GALNT10: variants seen among roughly 807,000 people sequenced by gnomAD.
GALNT10 encodes the protein polypeptide N-acetylgalactosaminyltransferase 10, also known as GalNAc transferase 10.
A neutral mutation model predicts 75.0 loss-of-function variants in GALNT10; 41 were observed. That is an observed-to-expected ratio of 0.55 (90% CI 0.43 to 0.71). The LOEUF (loss-of-function observed/expected upper bound fraction) is 0.71, where lower values mean the gene tolerates loss of function less well. GALNT10 is among the 30% of genes least tolerant of loss of function. The probability of loss-of-function intolerance (pLI) is 0.00; values close to 1 mark genes in which losing one functional copy is unlikely to be tolerated. For missense variants in GALNT10, 727 were observed against 818.5 expected, an observed-to-expected ratio of 0.89 and a Z score of 1.36; for synonymous variants, 302 against 313.0, an observed-to-expected ratio of 0.96 and a Z score of 0.37.
intron 1 of GALNT10, among the ~76,000 whole-genome samples, chr5:154,284,026 G>A (rs1309291413): frequency 6.6e-6 from 1 of 152,220 alleles, no homozygotes; most frequent in Non-Finnish European, 1.5e-5. Flanking sequence ...GTGCAACTGA[G>A]AGGAAGGAAT....
chr5:154,393,428 T>G (rs1309035184), intron 7 of GALNT10, among the ~76,000 whole-genome samples: 1 of 152,040 alleles, frequency 6.6e-6, no homozygotes. Flanking sequence ...CTAGTGGCCT[T>G]TGGGGGTGGG....
In GALNT10 at chr5:154,402,953, G is replaced by T. The variant is rs1756199246; in HGVS notation, c.1057-1151G>T. 1 of 152,430 alleles carries T rather than the reference G, an allele frequency of 6.6e-6. No homozygotes were observed. Among genetic ancestry groups the T allele is most frequent in the South Asian group, 2.1e-4 (1 of 4,828 alleles). 9.4% of individuals were successfully genotyped at this position (152,430 alleles called of 1,614,324 possible). A position where few individuals can be genotyped will look rare whatever the true frequency, so the allele number is the denominator to read the frequency against. ...CTCACTGGGAGGCATCTACACAGGG[G>T]CACAAATACGAGGAGGCAGGGATTG... is the stretch of plus-strand genomic sequence containing the variant. On this transcript the variant is annotated intron_variant, in intron 7 of 11. Coordinates refer to ENST00000297107, the MANE Select transcript of GALNT10 (RefSeq NM_198321.4). The surrounding 1 kb of genome is among the most constrained non-coding windows in gnomAD (Gnocchi z 4.2).
chr5:154,260,890 A>T (rs1411972538), intron 1 of GALNT10, among the ~76,000 whole-genome samples: 2 of 152,236 alleles, frequency 1.3e-5, no homozygotes, highest in African/African-American at 2.4e-5. Flanking sequence ...CAATTTAATT[A>T]ACTGGTAATA....
At chr5:154,290,864 G>A (rs747826453) in intron 1 of GALNT10, among the ~76,000 whole-genome samples, 5 of 152,180 alleles carry the variant, frequency 3.3e-5, no homozygotes, top group Admixed American at 2.6e-4. Context: ...TAAGATGAGC[G>A]GAGGTGTACT....
intron 1 of GALNT10, among the ~76,000 whole-genome samples, chr5:154,230,763 C>G (rs1213605023): frequency 6.6e-6 from 1 of 152,194 alleles, no homozygotes; most frequent in Non-Finnish European, 1.5e-5. Context: ...CTGTGCACTT[C>G]CTCTGCACCA....
rs570529723 is a variant in GALNT10, at chr5:154,355,961, C to A, written c.569-20316C>A. Reference sequence around the variant, plus strand: ...ACTCTGTACCTCCCAGCCCCTCCCTCTTCCAGGTCATAGACCGAGTACCTG... The same window carrying A: ...ACTCTGTACCTCCCAGCCCCTCCCTATTCCAGGTCATAGACCGAGTACCTG... On this transcript the variant is annotated intron_variant, in intron 4 of 11. Transcript: ENST00000297107. Among the ~76,000 whole-genome samples, 35 of 152,370 alleles carry A rather than the reference C, an allele frequency of 2.3e-4. 1 individual carries two copies. The South Asian group carries it at 7.3e-3, about 32-fold the overall frequency.
Position 154,419,117 on chromosome 5 carries a change from A to C in GALNT10, c.*2145A>C, listed in dbSNP as rs1048560390. On this transcript the variant is annotated 3_prime_UTR_variant, in exon 12 of 12. Transcript: ENST00000297107. ...GTTTTTGGTGGTGTGTGCAGTTCCT[A>C]CTGGATGAGTGTGTGTTTCTTAATG... 2.0e-5 allele frequency: 3 copies of C among 151,796 alleles called. No individual in the cohort carries two copies. The highest frequency in any genetic ancestry group is 4.4e-5 in the Non-Finnish European group (3 of 67,922). 9.4% of individuals were successfully genotyped at this position (151,796 alleles called of 1,614,324 possible).
intron 4 of GALNT10, among the ~76,000 whole-genome samples, chr5:154,340,674 A>G (rs1755020767): frequency 6.6e-6 from 1 of 152,210 alleles, no homozygotes; most frequent in Non-Finnish European, 1.5e-5. Context: ...AAGTAAACCC[A>G]TTGCAAACAG....
At chr5:154,404,431 CTG>C (rs1756229969) in intron 8 of GALNT10, among the ~76,000 whole-genome samples, 2 of 152,312 alleles carry the variant, frequency 1.3e-5, no homozygotes, top group South Asian at 2.1e-4. Context: ...TCCTCTGAAC[CTG>C]TGTTTCCTCC....
At chr5:154,372,580 G>A (rs1581997185) in intron 4 of GALNT10, among the ~76,000 whole-genome samples, 1 of 152,332 alleles carries the variant, frequency 6.6e-6, no homozygotes, top group East Asian at 1.9e-4. Flanking sequence ...CAGGAAGAGT[G>A]CCTGTGACAG....
intron 3 of GALNT10, among the ~76,000 whole-genome samples, chr5:154,316,522 G>A (rs1029902368): frequency 3.3e-5 from 5 of 152,200 alleles, no homozygotes; most frequent in African/African-American, 1.2e-4. Flanking sequence ...GCCTTTCTAG[G>A]CTGTTTTCAT....
intron 1 of GALNT10, among the ~76,000 whole-genome samples, chr5:154,192,737 G>T (rs189905630): frequency 1.3e-5 from 2 of 152,292 alleles, no homozygotes; most frequent in East Asian, 3.9e-4. Flanking sequence ...CACAGCTCCA[G>T]GTCAAGGGGG....
rs1419504090 is a variant in GALNT10 at position 154,353,051 on chromosome 5, C to T, written c.569-23226C>T. 2.6e-5 allele frequency among the ~76,000 whole-genome samples: 4 copies of T among 152,176 alleles called. No homozygotes were observed. In the East Asian group the frequency reaches 7.7e-4, roughly 29 times the overall value. ...CCCCAAGTCCAGAAGAGTTTGCAGT[C>T]CAGGGCACGGATGAGGCCTCGGAGG... On this transcript the variant is annotated intron_variant, in intron 4 of 11. Transcript: ENST00000297107.
intron 7 of GALNT10, chr5:154,388,281 TA>T (rs1755837617): frequency 6.6e-6 from 1 of 152,098 alleles, no homozygotes; most frequent in African/African-American, 2.4e-5. Flanking sequence ...CACATAAGGG[TA>T]ATGTTCAAAA....
chr5:154,248,805 T>C (rs1753471208), intron 1 of GALNT10, among the ~76,000 whole-genome samples: 1 of 152,252 alleles, frequency 6.6e-6, no homozygotes, highest in South Asian at 2.1e-4. Context: ...TCCTTGGGTT[T>C]CTGGCTTAGG....
chr5:154,218,073 C>T, intron 1 of GALNT10: 3 of 985,062 alleles, frequency 3.0e-6, no homozygotes, highest in South Asian at 4.7e-5. Flanking sequence ...CGACTGAGAC[C>T]AGGATTATTC....
intron 1 of GALNT10, among the ~76,000 whole-genome samples, chr5:154,236,288 G>A (rs775555852): frequency 2.0e-5 from 3 of 152,186 alleles, no homozygotes; most frequent in Admixed American, 6.5e-5. Context: ...CAGGAATTCC[G>A]TGAGATAATC....
chr5:154,238,472 T>G (rs774216827), intron 1 of GALNT10, among the ~76,000 whole-genome samples: 5 of 152,206 alleles, frequency 3.3e-5, no homozygotes, highest in African/African-American at 7.2e-5. Flanking sequence ...AAGTCTGTCT[T>G]GAGGAAGCAA....
intron 4 of GALNT10, among the ~76,000 whole-genome samples, chr5:154,344,814 T>A (rs1339908039): frequency 6.6e-6 from 1 of 152,200 alleles, no homozygotes; most frequent in East Asian, 1.9e-4. Flanking sequence ...TCACCCAACC[T>A]GTACATTTTA....
Sources: allele counts gnomAD v4.1 joint callset (sites outside exome capture counted in the v4.1 genomes callset), GRCh38; gene constraint gnomAD v4.1.1; non-coding constraint Gnocchi (gnomAD v3.1); transcripts MANE v1.5; gene names NCBI Gene and HGNC (gene_info 2026-07-23, HGNC 2026-07-21).